Variants in GPHN observed in about 807,000 individuals in gnomAD.
GPHN encodes the protein gephyrin.
A neutral mutation model predicts 95.5 loss-of-function variants in GPHN; 17 were observed. The ratio of observed to expected loss-of-function variants is 0.18; its 90% confidence interval spans 0.12 to 0.27. The LOEUF (loss-of-function observed/expected upper bound fraction) is 0.27. GPHN is among the 10% of genes least tolerant of loss of function. The pLI is 1.00. For synonymous variants in GPHN, 320 were observed against 322.5 expected, an observed-to-expected ratio of 0.99 and a Z score of 0.08; for missense variants, 660 against 978.1, an observed-to-expected ratio of 0.67 and a Z score of 4.34.
chr14:67,294,025 T>TA, the GPHN span, among the ~76,000 whole-genome samples: 3 of 152,116 alleles, frequency 2.0e-5, no homozygotes, highest in Non-Finnish European at 2.9e-5. Flanking sequence ...AGCAAAGAAC[T>TA]AAAGTGGCTT....
intron 1 of GPHN, among the ~76,000 whole-genome samples, chr14:66,668,947 C>T (rs998938143): frequency 4.1e-5 from 6 of 148,014 alleles, no homozygotes; most frequent in Non-Finnish European, 7.4e-5. Flanking sequence ...ATGGCGTTAT[C>T]TCGGCTCCCT....
chr14:66,518,046 G>A (rs1001469879), intron 1 of GPHN, among the ~76,000 whole-genome samples: 5 of 151,162 alleles, frequency 3.3e-5, no homozygotes, highest in East Asian at 1.9e-4. Context: ...TTCATCTGAC[G>A]GGGGATTAAT....
chr14:67,255,830 G>A, the GPHN span, among the ~76,000 whole-genome samples: 4 of 152,166 alleles, frequency 2.6e-5, no homozygotes, highest in African/African-American at 9.7e-5. Context: ...TGGGATTGCA[G>A]GCACCTGCCA....
At chr14:67,480,575 G>A in the GPHN span, among the ~76,000 whole-genome samples, 257 of 152,184 alleles carry the variant, frequency 1.7e-3, no homozygotes, top group African/African-American at 3.2e-3. Flanking sequence ...ACACTGAGGC[G>A]GTCTGAGGGC....
At chr14:66,852,623 C>G (rs2062636930) in intron 4 of GPHN, among the ~76,000 whole-genome samples, 1 of 152,094 alleles carries the variant, frequency 6.6e-6, no homozygotes, top group South Asian at 2.1e-4. Flanking sequence ...CAGAAAGTTC[C>G]CCCATAGTCA....
chr14:66,845,833 G>GTGTGT (rs2062304143), intron 4 of GPHN, among the ~76,000 whole-genome samples: 1 of 151,128 alleles, frequency 6.6e-6, no homozygotes, highest in African/African-American at 2.4e-5. Context: ...GTGTGTGTGT[G>GTGTGT]TGTGTGTGTG....
the GPHN span, chr14:67,385,741 T>A: frequency 6.7e-6 from 1 of 149,616 alleles, no homozygotes; most frequent in Non-Finnish European, 1.5e-5. Context: ...TCCTCCTGCC[T>A]CTGCCTCTGT....
the GPHN span, chr14:67,345,991 A>C: frequency 1.5e-6 from 1 of 668,782 alleles, no homozygotes. Flanking sequence ...ACTAATCTTC[A>C]TTGAATGTAA....
chr14:66,843,268 C>T (rs2062170115), intron 4 of GPHN, among the ~76,000 whole-genome samples: 1 of 152,150 alleles, frequency 6.6e-6, no homozygotes, highest in Non-Finnish European at 1.5e-5. Context: ...TTTAGACTGC[C>T]CAGCATTATC....
At chr14:67,650,888 G>A in the GPHN span, 251 of 1,613,958 alleles carry the variant, frequency 1.6e-4, no homozygotes, top group Middle Eastern at 1.6e-4. Flanking sequence ...TTCACCAGAT[G>A]AATCAGAAAA....
chr14:67,722,634 G>A, the GPHN span: 3 of 1,613,496 alleles, frequency 1.9e-6, no homozygotes, highest in Non-Finnish European at 2.5e-6. Context: ...AGCTACAGAA[G>A]TTGGAACGAT....
the GPHN span, among the ~76,000 whole-genome samples, chr14:67,214,258 G>A: frequency 6.6e-6 from 1 of 152,080 alleles, no homozygotes; most frequent in Non-Finnish European, 1.5e-5. Context: ...TGTCCTGAAT[G>A]GTATTGCCTA....
the GPHN span, chr14:67,653,437 T>C: frequency 4.3e-6 from 7 of 1,613,774 alleles, no homozygotes; most frequent in Non-Finnish European, 5.9e-6. Flanking sequence ...TAAAACTTAC[T>C]TTCTGGACAT....
At chr14:67,150,428 G>A (rs1335486773) in intron 18 of GPHN, among the ~76,000 whole-genome samples, 4 of 105,144 alleles carry the variant, frequency 3.8e-5, no homozygotes, top group East Asian at 5.9e-4. Context: ...GCGACAGAGC[G>A]AGACTCCGTC....
chr14:66,751,156 C>T (rs1467766409), intron 2 of GPHN, among the ~76,000 whole-genome samples: 1 of 152,026 alleles, frequency 6.6e-6, no homozygotes, highest in Non-Finnish European at 1.5e-5. Flanking sequence ...AGTGAACCTA[C>T]ACATTCACGT....
chr14:66,762,131 A>G (rs1391361973), intron 2 of GPHN, among the ~76,000 whole-genome samples: 2 of 130,758 alleles, frequency 1.5e-5, no homozygotes, highest in East Asian at 4.9e-4. Context: ...AAACCTTTTG[A>G]AAGGTTAAAA....
At position 66,840,076 on chromosome 14, in the gene GPHN, C is replaced by T. The variant is rs370173409; in HGVS notation, c.294+15510C>T. ...GGCAGATCACCTGAGGTCAGGAGTT[C>T]GAGACCAGCCTGGCCAACACGGTGA... is the stretch of plus-strand genomic sequence containing the variant. On this transcript the variant is annotated intron_variant, in intron 4 of 22. Transcript: ENST00000478722. Among the ~76,000 whole-genome samples the T allele has an allele frequency of 2.5e-4, 38 of 151,974 alleles. No individual in the cohort carries two copies. In the South Asian group the frequency reaches 6.7e-3, roughly 27 times the overall value.
the GPHN span, among the ~76,000 whole-genome samples, chr14:67,223,219 C>T: frequency 1.3e-5 from 2 of 152,088 alleles, no homozygotes; most frequent in Admixed American, 6.5e-5. Context: ...AGGCTGGTCT[C>T]GAACTCCTGA....
At chr14:66,566,619 T>C (rs938068697) in intron 1 of GPHN, among the ~76,000 whole-genome samples, 8 of 152,246 alleles carry the variant, frequency 5.3e-5, no homozygotes, top group African/African-American at 1.9e-4. Flanking sequence ...TTTTATCTTC[T>C]TCATCTGTTC....
Sources: gnomAD v4.1 joint callset for allele counts (sites outside exome capture counted in the v4.1 genomes callset) on GRCh38, gnomAD v4.1.1 for gene constraint, MANE v1.5 for transcripts, NCBI Gene and HGNC (gene_info 2026-07-23, HGNC 2026-07-21) for gene names.